Variants in PTK7 observed in about 807,000 individuals in gnomAD.
PTK7 encodes protein tyrosine kinase 7 (inactive).
In PTK7, 39 loss-of-function variants were observed where a neutral mutation model predicts 116.6. The observed-to-expected ratio is 0.33, with a 90% CI of 0.26 to 0.44. The LOEUF (loss-of-function observed/expected upper bound fraction) is 0.44. Among genes scored for constraint, PTK7 ranks in the 20% least tolerant of loss-of-function variants. The pLI is 1.00. For missense variants in PTK7, 1,169 were observed against 1,425.6 expected, an observed-to-expected ratio of 0.82 and a Z score of 2.90; for synonymous variants, 546 against 563.6, an observed-to-expected ratio of 0.97 and a Z score of 0.44.
At chr6:43,131,030 CACACACA>C (rs1561966876) in intron 5 of PTK7, among the ~76,000 whole-genome samples, 55 of 9,108 alleles carry the variant, frequency 6.0e-3, no homozygotes, top group African/African-American at 0.019. Flanking sequence ...GCAAAGACAT[CACACACA>C]CACACACACA....
At chr6:43,142,444 C>T in intron 13 of PTK7, 145 bp downstream of exon 13, 6 of 1,267,744 alleles carry the variant, frequency 4.7e-6, no homozygotes, top group Non-Finnish European at 6.7e-6. Flanking sequence ...CATGCTGCTG[C>T]ACAGTCTTAG....
At chr6:43,126,980 G>A (rs1423406467) in intron 1 of PTK7, among the ~76,000 whole-genome samples, 2 of 152,206 alleles carry the variant, frequency 1.3e-5, no homozygotes, top group Non-Finnish European at 2.9e-5. Context: ...CATGTTGGGA[G>A]ACGGACCAAC....
intron 7 of PTK7, among the ~76,000 whole-genome samples, chr6:43,134,195 C>T (rs187983666): frequency 1.4e-4 from 22 of 152,268 alleles, no homozygotes; most frequent in Admixed American, 9.8e-4. Context: ...TGTGCCACCA[C>T]ACCTGGCTAA....
chr6:43,155,416 G>T (rs1232946900), intron 17 of PTK7, among the ~76,000 whole-genome samples: 1 of 152,170 alleles, frequency 6.6e-6, no homozygotes, highest in African/African-American at 2.4e-5. Context: ...GCCGAGGCAG[G>T]TGGATCACGA....
At chr6:43,124,706 A>T (rs1021908628) in intron 1 of PTK7, among the ~76,000 whole-genome samples, 2 of 152,158 alleles carry the variant, frequency 1.3e-5, no homozygotes, top group African/African-American at 2.4e-5. Flanking sequence ...CAACAGGCCA[A>T]CGTCCCCCGC....
chr6:43,158,972 G>T lies in PTK7; in HGVS notation c.2873+4G>T, dbSNP rs1437831600. On this transcript the variant is annotated splice_donor_region_variant and intron_variant, in intron 18 of 19. Coordinates refer to ENST00000230419, the MANE Select transcript of PTK7 (RefSeq NM_002821.5). ...TCAGCAAGGATGTGTACAACAGGTA[G>T]AAGGGCATGCGTGGGGTGGGGGCTC... 6.2e-7 allele frequency: 1 copy of T among 1,613,832 alleles called. No individual in the cohort carries two copies. The highest frequency in any genetic ancestry group is 8.5e-7 in the Non-Finnish European group (1 of 1,179,844).
Position 43,129,215 on chromosome 6 carries a change from T to A in PTK7, c.318T>A (p.Asp106Glu). The stretch of plus-strand genomic sequence containing the variant: ...CCTTCCAGTGTGTGGCTCGGGATGA[T>A]GTCACTGGAGAAGAAGCCCGCAGTG... ...SGTFQCVARD[D>E]VTGEEARSAN... The change falls in exon 2 of 20, where the codon GAT (aspartate) becomes GAA (glutamate). Residue 106 changes from aspartate (D) to glutamate (E), a missense_variant. By Grantham distance (45) the Asp-to-Glu change is conservative (BLOSUM62 2). Coordinates refer to ENST00000230419, the MANE Select transcript of PTK7 (RefSeq NM_002821.5). The surrounding 1 kb of genome is among the most constrained non-coding windows in gnomAD (Gnocchi z 4.5). 1 of 1,614,096 alleles carries A rather than the reference T, an allele frequency of 6.2e-7. No individual in the cohort carries two copies. The highest frequency in any genetic ancestry group is 8.5e-7 in the Non-Finnish European group (1 of 1,180,022).
chr6:43,144,324 T>A, intron 14 of PTK7, 127 bp from the exon 15 acceptor site: 4 of 1,142,394 alleles, frequency 3.5e-6, no homozygotes, highest in Non-Finnish European at 3.8e-6. Context: ...GGGCTTGCCC[T>A]TTCATGTGGA....
In PTK7 at chr6:43,105,653, A is replaced by T. The variant is rs142670267; in HGVS notation, c.80-23324A>T. On this transcript the variant is annotated intron_variant, in intron 1 of 19. Coordinates refer to ENST00000230419, the MANE Select transcript of PTK7 (RefSeq NM_002821.5). ...AATCCTGTATGACTGGTGGCGCCCCATGTGAAGAGAAAAGGCCCAGAGACA... is the reference window on the plus strand; with the variant it reads ...AATCCTGTATGACTGGTGGCGCCCCTTGTGAAGAGAAAAGGCCCAGAGACA... Among the ~76,000 whole-genome samples, 7 of 152,248 alleles carry T rather than the reference A, an allele frequency of 4.6e-5. No individual in the cohort carries two copies. In the East Asian group the frequency reaches 1.4e-3, roughly 29 times the overall value.
intron 1 of PTK7, among the ~76,000 whole-genome samples, chr6:43,121,555 G>A (rs1768963201): frequency 6.7e-6 from 1 of 148,338 alleles, no homozygotes. Context: ...AGACAGAAGG[G>A]GAGCAGAATT....
intron 1 of PTK7, among the ~76,000 whole-genome samples, chr6:43,091,778 C>T (rs532248629): frequency 6.6e-6 from 1 of 152,320 alleles, no homozygotes; most frequent in African/African-American, 2.4e-5. Flanking sequence ...TATCCCACTC[C>T]ATCCCGCCCA....
At chr6:43,113,661 T>C (rs1009949688) in intron 1 of PTK7, among the ~76,000 whole-genome samples, 1 of 152,138 alleles carries the variant, frequency 6.6e-6, no homozygotes, top group African/African-American at 2.4e-5. Flanking sequence ...GCTCCAAAAG[T>C]AGCAGGAGTG....
rs774749382 is a variant in PTK7, at chr6:43,158,978, C to T, written c.2873+10C>T. On this transcript the variant is annotated intron_variant, in intron 18 of 19. Coordinates refer to ENST00000230419, the MANE Select transcript of PTK7 (RefSeq NM_002821.5). ...AGGATGTGTACAACAGGTAGAAGGG[C>T]ATGCGTGGGGTGGGGGCTCCCCATT... 2 of 1,612,906 alleles carry T rather than the reference C, an allele frequency of 1.2e-6. No homozygotes were observed. Among genetic ancestry groups the T allele is most frequent in the East Asian group, 4.5e-5 (2 of 44,838 alleles).
At chr6:43,104,681 G>C (rs1226085257) in intron 1 of PTK7, among the ~76,000 whole-genome samples, 1 of 152,108 alleles carries the variant, frequency 6.6e-6, no homozygotes, top group Non-Finnish European at 1.5e-5. Flanking sequence ...GCTCACCTCA[G>C]CCTCCCAGAG....
At chr6:43,151,447 C>T (rs1354972216) in intron 17 of PTK7, among the ~76,000 whole-genome samples, 1 of 151,654 alleles carries the variant, frequency 6.6e-6, no homozygotes, top group African/African-American at 2.4e-5. Context: ...CTCCTGTCCT[C>T]GTGATCCGCC....
chr6:43,132,497 C>A lies in PTK7; in HGVS notation c.1038C>A (p.Pro346=), dbSNP rs778507407. 11 of 1,610,338 alleles carry A rather than the reference C, an allele frequency of 6.8e-6. No homozygotes were observed. In the South Asian group the frequency reaches 1.1e-4, roughly 16 times the overall value. The change falls in exon 7 of 20, where the codon CCC becomes CCA. Residue 346 remains proline (P), a synonymous_variant. Coordinates refer to ENST00000230419, the MANE Select transcript of PTK7 (RefSeq NM_002821.5). ...AGGAGCGTGTGACCTGCCTTCCCCC[C>A]AAGGGTCTGCCAGAGCCCAGCGTGT... The part of the protein sequence containing the change: ...GSEERVTCLP[P]KGLPEPSVWW...
rs1418078719 is a variant in PTK7, at chr6:43,129,846, G to T, written c.470+17G>T. On this transcript the variant is annotated intron_variant, in intron 3 of 19. Transcript: ENST00000230419. The surrounding 1 kb of genome is among the most constrained non-coding windows in gnomAD (Gnocchi z 4.5). ...GCACCCTCGGTAAGGAGTCAGGGAG[G>T]TGGGGATGAAGAGGGTTATTCCGGA... The T allele has an allele frequency of 1.9e-6, 3 of 1,610,198 alleles. No individual in the cohort carries two copies. The African/African-American group carries it at 4.0e-5, about 21-fold the overall frequency.
chr6:43,160,887 G>A lies in PTK7; in HGVS notation c.*6G>A, dbSNP rs778617139. 2 of 1,613,364 alleles carry A rather than the reference G, an allele frequency of 1.2e-6. No homozygotes were observed. Among genetic ancestry groups the A allele is most frequent in the Non-Finnish European group, 1.7e-6 (2 of 1,179,874 alleles). On this transcript the variant is annotated 3_prime_UTR_variant, in exon 20 of 20. Transcript: ENST00000230419. ...CCGTGGACAGCAAGCCGTGAGGAGG[G>A]AGCCCGCTCAGGATGGCCTGGGCAG...
intron 17 of PTK7, among the ~76,000 whole-genome samples, chr6:43,150,440 C>T (rs1770996697): frequency 6.6e-6 from 1 of 152,182 alleles, no homozygotes; most frequent in African/African-American, 2.4e-5. Context: ...ACTGCCCTTG[C>T]TTTCCGGAAG....
Sources: allele counts gnomAD v4.1 joint callset (sites outside exome capture counted in the v4.1 genomes callset), GRCh38; gene constraint gnomAD v4.1.1; non-coding constraint Gnocchi (gnomAD v3.1); transcripts MANE v1.5; gene names NCBI Gene and HGNC (gene_info 2026-07-23, HGNC 2026-07-21).